SIK3: variants seen among roughly 807,000 people sequenced by gnomAD.
SIK3 encodes SIK family kinase 3.
In SIK3, 28 loss-of-function variants were observed where a neutral mutation model predicts 144.2. The observed-to-expected ratio is 0.19, with a 90% CI of 0.14 to 0.27. SIK3 has a LOEUF of 0.27. Ranked by LOEUF, SIK3 falls within the 10% of genes least tolerant of loss-of-function variation. SIK3 has a pLI of 1.00. For synonymous variants in SIK3, 686 were observed against 676.3 expected (o/e 1.01, Z -0.22); for missense variants, 1,319 against 1,776.0 (o/e 0.74, Z 4.62).
At chr11:116,952,135 A>AACAGGCAGCT (rs759407043) in intron 3 of SIK3, among the ~76,000 whole-genome samples, 266 of 152,244 alleles carry the variant, frequency 1.7e-3, no homozygotes, top group Non-Finnish European at 2.4e-3. Context: ...TAAAATACCT[A>AACAGGCAGCT]ACAGGCAGCT....
At chr11:117,082,652 G>A (rs1159656001) in intron 1 of SIK3, among the ~76,000 whole-genome samples, 3 of 152,086 alleles carry the variant, frequency 2.0e-5, no homozygotes, top group Non-Finnish European at 4.4e-5. Context: ...ACTGCTAATG[G>A]GTACCATGCT....
chr11:117,016,729 A>G (rs534524514), intron 1 of SIK3, among the ~76,000 whole-genome samples: 2 of 152,332 alleles, frequency 1.3e-5, no homozygotes, highest in African/African-American at 4.8e-5. Flanking sequence ...TGCATAATGT[A>G]TATATCTATC....
At chr11:116,863,091 G>T (rs975323460) in intron 16 of SIK3, among the ~76,000 whole-genome samples, 7 of 148,432 alleles carry the variant, frequency 4.7e-5, no homozygotes, top group Non-Finnish European at 1.0e-4. Context: ...AAAAAAAAAA[G>T]TAGCACCTTC....
chr11:116,932,344 C>T (rs1254642536), intron 3 of SIK3, among the ~76,000 whole-genome samples: 2 of 152,200 alleles, frequency 1.3e-5, no homozygotes, highest in East Asian at 1.9e-4. Context: ...GTGTACCCTT[C>T]GCCCAGTTTC....
At chr11:117,030,424 A>G (rs764030323) in intron 1 of SIK3, among the ~76,000 whole-genome samples, 2 of 152,248 alleles carry the variant, frequency 1.3e-5, no homozygotes, top group Non-Finnish European at 2.9e-5. Flanking sequence ...TGAGCCATTT[A>G]AAATCTATAT....
chr11:116,870,750 T>C (rs769830914), intron 13 of SIK3, among the ~76,000 whole-genome samples: 3 of 152,108 alleles, frequency 2.0e-5, no homozygotes, highest in Non-Finnish European at 4.4e-5. Flanking sequence ...AATTACAAAA[T>C]AGCATGATCA....
intron 3 of SIK3, among the ~76,000 whole-genome samples, chr11:116,952,891 A>C (rs1948993344): frequency 6.6e-6 from 1 of 152,220 alleles, no homozygotes; most frequent in Non-Finnish European, 1.5e-5. Flanking sequence ...TAATGCTTTC[A>C]TTTCTTTAAA....
At chr11:117,043,301 C>T (rs1454689182) in intron 1 of SIK3, among the ~76,000 whole-genome samples, 6 of 152,148 alleles carry the variant, frequency 3.9e-5, no homozygotes, top group Non-Finnish European at 8.8e-5. Context: ...TTCACTTCTA[C>T]TTTTTCCATC....
At position 117,013,903 on chromosome 11, in the gene SIK3, G is replaced by GTGTGTGT. The variant is rs1555127047; in HGVS notation, c.274-56840_274-56839insACACACA. ...GATATAAGTCTCCAGATTCTGAGGG[G>GTGTGTGT]GGGGGGGGGAGGGTGTGTGTGTGTG... On this transcript the variant is annotated intron_variant, in intron 1 of 24. Transcript: ENST00000445177. 7.0e-3 allele frequency among the ~76,000 whole-genome samples: 367 copies of GTGTGTGT among 52,790 alleles called. 21 individuals are homozygous for GTGTGTGT. Among genetic ancestry groups the GTGTGTGT allele is most frequent in the African/African-American group, 0.016 (274 of 16,854 alleles). 34.6% of individuals were successfully genotyped at this position (52,790 alleles called of 152,430 possible).
At chr11:117,027,858 C>T (rs888530356) in intron 1 of SIK3, among the ~76,000 whole-genome samples, 1 of 152,120 alleles carries the variant, frequency 6.6e-6, no homozygotes, top group Non-Finnish European at 1.5e-5. Flanking sequence ...AGCAATGGGT[C>T]AACAATGGCA....
intron 21 of SIK3, among the ~76,000 whole-genome samples, chr11:116,852,917 T>A (rs1467850953): frequency 1.3e-5 from 2 of 152,190 alleles, no homozygotes; most frequent in Non-Finnish European, 2.9e-5. Flanking sequence ...AGTTTCAGTA[T>A]CATCAGTAGG....
At chr11:117,016,619 G>A (rs1159511281) in intron 1 of SIK3, among the ~76,000 whole-genome samples, 1 of 152,090 alleles carries the variant, frequency 6.6e-6, no homozygotes, top group Non-Finnish European at 1.5e-5. Context: ...TTCAAGACCA[G>A]CCTGAGCAAA....
At chr11:116,896,207 A>T in intron 6 of SIK3, 46 bp downstream of exon 6, 5 of 1,605,076 alleles carry the variant, frequency 3.1e-6, no homozygotes, top group Non-Finnish European at 4.3e-6. Flanking sequence ...GAGTGGGTCT[A>T]ACTTTCATGA....
At chr11:116,864,628 T>C (rs1317940216) in intron 15 of SIK3, 1 of 152,270 alleles carries the variant, frequency 6.6e-6, no homozygotes, top group Non-Finnish European at 1.5e-5. Context: ...AGCTAACACC[T>C]ACTCTTGTGA....
rs1173862453 is a variant in SIK3 at position 116,993,680 on chromosome 11, C to T, written c.274-36616G>A. ...GTAGTGGAGAGGAAGAGGGGCTGAA[C>T]AGACGTCAGCAGGGTGCAAGGGGAG... On this transcript the variant is annotated intron_variant, in intron 1 of 24. Transcript: ENST00000445177. Among the ~76,000 whole-genome samples the T allele has an allele frequency of 2.0e-5, 3 of 152,252 alleles. No homozygotes were observed. The East Asian group carries it at 5.8e-4, about 29-fold the overall frequency.
intron 1 of SIK3, among the ~76,000 whole-genome samples, chr11:117,002,933 C>T (rs1414781425): frequency 6.6e-6 from 1 of 152,190 alleles, no homozygotes; most frequent in Admixed American, 6.5e-5. Flanking sequence ...ATCCAACATG[C>T]TCACATTCCT....
chr11:116,965,495 T>A (rs1482312989), intron 1 of SIK3, among the ~76,000 whole-genome samples: 1 of 151,728 alleles, frequency 6.6e-6, no homozygotes, highest in Non-Finnish European at 1.5e-5. Context: ...TATTTCAGAT[T>A]AAACAAATTG....
intron 4 of SIK3, among the ~76,000 whole-genome samples, chr11:116,897,883 CAA>C (rs201462698): frequency 4.4e-5 from 6 of 137,150 alleles, no homozygotes; most frequent in Admixed American, 7.3e-5. Context: ...ACTCCGTCTC[CAA>C]AAAAAAAAAA....
intron 15 of SIK3, among the ~76,000 whole-genome samples, chr11:116,865,234 G>T (rs927790927): frequency 6.6e-6 from 1 of 151,942 alleles, no homozygotes; most frequent in Non-Finnish European, 1.5e-5. Flanking sequence ...AAATGGACAT[G>T]TTTCTGATCC....
Sources: gnomAD v4.1 joint callset for allele counts (sites outside exome capture counted in the v4.1 genomes callset) on GRCh38, gnomAD v4.1.1 for gene constraint, MANE v1.5 for transcripts, NCBI Gene and HGNC (gene_info 2026-07-23, HGNC 2026-07-21) for gene names.